The following PHACTR4 variants were observed in gnomAD, a reference collection of about 807,000 sequenced individuals.
PHACTR4 encodes protein phosphatase 1, regulatory subunit 124.
PHACTR4 carries 51 observed loss-of-function variants against 72.7 expected under a neutral mutation model. The ratio of observed to expected loss-of-function variants is 0.70; its 90% confidence interval spans 0.56 to 0.89. The LOEUF (loss-of-function observed/expected upper bound fraction) is 0.89, where lower values mean the gene tolerates loss of function less well. Among genes scored for constraint, PHACTR4 ranks in the 40% least tolerant of loss-of-function variants. The pLI is 0.00. For missense variants in PHACTR4, 731 were observed against 861.8 expected, an observed-to-expected ratio of 0.85 and a Z score of 1.90; for synonymous variants, 255 against 302.5, an observed-to-expected ratio of 0.84 and a Z score of 1.63.
At chr1:28,379,367 C>T (rs1651954902) in intron 1 of PHACTR4, among the ~76,000 whole-genome samples, 1 of 151,134 alleles carries the variant, frequency 6.6e-6, no homozygotes, top group African/African-American at 2.4e-5. Flanking sequence ...TCCTCAGGCT[C>T]AGGTGGGTGA....
intron 6 of PHACTR4, among the ~76,000 whole-genome samples, chr1:28,469,024 A>ATG (rs1262303778): frequency 6.6e-6 from 1 of 152,234 alleles, no homozygotes; most frequent in Non-Finnish European, 1.5e-5. Flanking sequence ...GTATTAGTCC[A>ATG]TGAGGGGTCC....
intron 1 of PHACTR4, among the ~76,000 whole-genome samples, chr1:28,385,828 C>T (rs139287147): frequency 0.012 from 1,751 of 151,430 alleles, 41 homozygotes; most frequent in African/African-American, 0.04. Context: ...TTAGCCAGGC[C>T]GATCTTGAGC....
intron 1 of PHACTR4, among the ~76,000 whole-genome samples, chr1:28,389,618 C>T (rs183209019): frequency 0.032 from 4,925 of 151,928 alleles, 305 homozygotes; most frequent in African/African-American, 0.11. Context: ...GCTGGGACGA[C>T]GGGCGCGTGC....
intron 1 of PHACTR4, among the ~76,000 whole-genome samples, chr1:28,404,344 G>A (rs1299858050): frequency 6.9e-6 from 1 of 144,382 alleles, no homozygotes; most frequent in Non-Finnish European, 1.5e-5. Flanking sequence ...GTGCAGTGGC[G>A]CGATCTCAGC....
intron 1 of PHACTR4, among the ~76,000 whole-genome samples, chr1:28,380,383 A>T (rs954032815): frequency 3.3e-5 from 5 of 152,140 alleles, no homozygotes; most frequent in African/African-American, 1.2e-4. Context: ...GTTCAGAGAT[A>T]TATGTGCATG....
intron 4 of PHACTR4, among the ~76,000 whole-genome samples, chr1:28,464,047 T>TTC: frequency 6.7e-6 from 1 of 149,754 alleles, no homozygotes; most frequent in Non-Finnish European, 1.5e-5. Flanking sequence ...ACCATTTCTT[T>TTC]TTTTTTTTTT....
intron 7 of PHACTR4, among the ~76,000 whole-genome samples, chr1:28,474,750 C>T (rs192532162): frequency 6.6e-6 from 1 of 151,582 alleles, no homozygotes; most frequent in Non-Finnish European, 1.5e-5. Context: ...AACATGTTGG[C>T]CAGGCTGGTC....
At chr1:28,474,445 AC>A (rs1659787301) in intron 7 of PHACTR4, among the ~76,000 whole-genome samples, 1 of 136,466 alleles carries the variant, frequency 7.3e-6, no homozygotes, top group Non-Finnish European at 1.5e-5. Context: ...AATCGCTTTA[AC>A]AGGGAGGTGG....
intron 2 of PHACTR4, among the ~76,000 whole-genome samples, chr1:28,448,474 C>T (rs191333051): frequency 6.6e-5 from 10 of 150,792 alleles, no homozygotes; most frequent in East Asian, 2.0e-4. Flanking sequence ...ATAAGGTGGC[C>T]GGGCGCTGTG....
chr1:28,390,351 A>T (rs1186263144), intron 1 of PHACTR4, among the ~76,000 whole-genome samples: 1 of 152,220 alleles, frequency 6.6e-6, no homozygotes, highest in Non-Finnish European at 1.5e-5. Flanking sequence ...GGAATCTAAA[A>T]TGTCAAACTC....
chr1:28,444,799 T>G (rs1427292495), intron 2 of PHACTR4, among the ~76,000 whole-genome samples: 3 of 146,208 alleles, frequency 2.1e-5, no homozygotes, highest in Non-Finnish European at 4.5e-5. Context: ...TTTTTTTTTT[T>G]TGTATTTTTA....
intron 1 of PHACTR4, among the ~76,000 whole-genome samples, chr1:28,383,351 A>T (rs1652332810): frequency 6.6e-6 from 1 of 152,046 alleles, no homozygotes; most frequent in South Asian, 2.1e-4. Context: ...GTTCCATATG[A>T]ATTTTAAAAT....
intron 1 of PHACTR4, among the ~76,000 whole-genome samples, chr1:28,378,480 G>A (rs1651873879): frequency 6.6e-6 from 1 of 151,678 alleles, no homozygotes; most frequent in South Asian, 2.1e-4. Context: ...TCCAGCCTGG[G>A]TGACAGAGTG....
At chr1:28,495,065 A>G (rs1328101095) in intron 13 of PHACTR4, among the ~76,000 whole-genome samples, 1 of 152,206 alleles carries the variant, frequency 6.6e-6, no homozygotes, top group African/African-American at 2.4e-5. Context: ...AATTTGTTGG[A>G]TTCCAGAGAT....
intron 2 of PHACTR4, chr1:28,457,261 T>C (rs1570015203): frequency 6.8e-6 from 3 of 438,540 alleles, no homozygotes; most frequent in South Asian, 3.3e-5. Flanking sequence ...AATTTAATGC[T>C]GTTGGTTGTA....
At chr1:28,492,781 CA>C (rs1661118274) in intron 12 of PHACTR4, among the ~76,000 whole-genome samples, 1 of 152,096 alleles carries the variant, frequency 6.6e-6, no homozygotes, top group Non-Finnish European at 1.5e-5. Context: ...AAAATAAAAA[CA>C]AAACTATAAA....
chr1:28,464,046 T>G (rs1018293062), intron 4 of PHACTR4, among the ~76,000 whole-genome samples: 4 of 146,686 alleles, frequency 2.7e-5, no homozygotes, highest in Admixed American at 6.8e-5. Context: ...AACCATTTCT[T>G]TTTTTTTTTT....
In PHACTR4 at chr1:28,496,919, C is replaced by T; in HGVS notation, c.*370C>T. On this transcript the variant is annotated 3_prime_UTR_variant, in exon 14 of 14. Coordinates refer to ENST00000373839, the MANE Select transcript of PHACTR4 (RefSeq NM_001048183.3). ...CAGTTTGCACCATTAGCCTTACCTG[C>T]CCTGCCCTGATTGTGAGACCCAAAT... 3.8e-6 allele frequency: 1 copy of T among 264,780 alleles called. No homozygotes were observed. The allele number at this position is 264,780 out of a possible 1,614,324, so 16.4% of individuals were successfully genotyped here.
At chr1:28,492,474 A>C (rs932839285) in intron 12 of PHACTR4, among the ~76,000 whole-genome samples, 1 of 151,564 alleles carries the variant, frequency 6.6e-6, no homozygotes, top group Non-Finnish European at 1.5e-5. Flanking sequence ...AAAAAAAAAC[A>C]AAACTAGCCA....
Sources: gnomAD v4.1 joint callset for allele counts (sites outside exome capture counted in the v4.1 genomes callset) on GRCh38, gnomAD v4.1.1 for gene constraint, MANE v1.5 for transcripts, NCBI Gene and HGNC (gene_info 2026-07-23, HGNC 2026-07-21) for gene names.